Variants in NLGN1 observed in about 807,000 individuals in gnomAD.
NLGN1 encodes the protein neuroligin 1.
A neutral mutation model predicts 65.5 loss-of-function variants in NLGN1; 12 were observed. That is an observed-to-expected ratio of 0.18 (90% CI 0.12 to 0.30). The LOEUF is 0.30. NLGN1 is among the 10% of genes least tolerant of loss of function. The pLI is 1.00. For missense variants in NLGN1, 750 were observed against 1,007.1 expected (o/e 0.74, Z 3.46); for synonymous variants, 350 against 359.5 (o/e 0.97, Z 0.30).
intron 3 of NLGN1, among the ~76,000 whole-genome samples, chr3:173,732,044 T>C (rs1261564304): frequency 6.6e-6 from 1 of 152,084 alleles, no homozygotes; most frequent in Non-Finnish European, 1.5e-5. Flanking sequence ...AATATACCAG[T>C]GGTTAGGATA....
At chr3:174,293,777 ATCT>A in the NLGN1 span, among the ~76,000 whole-genome samples, 1 of 151,684 alleles carries the variant, frequency 6.6e-6, no homozygotes. Flanking sequence ...TAGAAAGAAT[ATCT>A]ATACAATAAA....
chr3:173,704,455 CA>C (rs1273665752), intron 3 of NLGN1, among the ~76,000 whole-genome samples: 1 of 151,990 alleles, frequency 6.6e-6, no homozygotes, highest in Non-Finnish European at 1.5e-5. Flanking sequence ...AGACACTTTT[CA>C]AAAGTGCTCA....
At chr3:174,278,713 T>A (rs1160139095) in intron 5 of NLGN1, 148 bp from the exon 6 acceptor site, 1 of 600,530 alleles carries the variant, frequency 1.7e-6, no homozygotes, top group Non-Finnish European at 2.6e-6. Flanking sequence ...GTTGGCTTTG[T>A]GTACTTCCCT....
intron 4 of NLGN1, among the ~76,000 whole-genome samples, chr3:173,917,859 G>GTGTGTGTGTT (rs1014764767): frequency 3.3e-5 from 5 of 152,038 alleles, no homozygotes; most frequent in African/African-American, 1.2e-4. Context: ...GTGTGTGTGT[G>GTGTGTGTGTT]TGTGTGTGTG....
intron 2 of NLGN1, among the ~76,000 whole-genome samples, chr3:173,593,907 A>G (rs1055059139): frequency 1.2e-4 from 18 of 152,192 alleles, no homozygotes; most frequent in Non-Finnish European, 2.1e-4. Flanking sequence ...TGATAAAACC[A>G]TCAGATCTCA....
intron 4 of NLGN1, among the ~76,000 whole-genome samples, chr3:173,899,665 A>C (rs1234520956): frequency 1.3e-5 from 2 of 152,134 alleles, no homozygotes; most frequent in Non-Finnish European, 2.9e-5. Context: ...TTATTGGAAC[A>C]CAGTTTCACC....
chr3:174,194,814 C>G (rs1180878225), intron 4 of NLGN1, among the ~76,000 whole-genome samples: 1 of 149,106 alleles, frequency 6.7e-6, no homozygotes. Context: ...GAAATGAGAC[C>G]CAGAAAGAAA....
At chr3:174,062,625 A>G (rs1219471298) in intron 4 of NLGN1, among the ~76,000 whole-genome samples, 1 of 152,066 alleles carries the variant, frequency 6.6e-6, no homozygotes, top group African/African-American at 2.4e-5. Context: ...AGAATAGTGT[A>G]TGTCATATAT....
At chr3:173,586,908 T>C (rs888271567) in intron 2 of NLGN1, among the ~76,000 whole-genome samples, 1 of 152,222 alleles carries the variant, frequency 6.6e-6, no homozygotes, top group African/African-American at 2.4e-5. Context: ...ATTTAAAATA[T>C]TTTCAAAGTT....
chr3:173,984,049 A>G (rs1719355006), intron 4 of NLGN1, among the ~76,000 whole-genome samples: 1 of 152,182 alleles, frequency 6.6e-6, no homozygotes, highest in African/African-American at 2.4e-5. Context: ...CGACTAGCAT[A>G]TGTTTCTCAA....
At chr3:173,531,274 T>C (rs1736520187) in intron 2 of NLGN1, among the ~76,000 whole-genome samples, 1 of 152,108 alleles carries the variant, frequency 6.6e-6, no homozygotes, top group Non-Finnish European at 1.5e-5. Context: ...GAGACCTTGA[T>C]TTTTCAAGAA....
At chr3:174,025,039 C>T (rs550823644) in intron 4 of NLGN1, among the ~76,000 whole-genome samples, 1 of 152,272 alleles carries the variant, frequency 6.6e-6, no homozygotes, top group South Asian at 2.1e-4. Flanking sequence ...GTAGTAATAA[C>T]AATAACTGTC....
At chr3:174,081,171 A>C (rs890235169) in intron 4 of NLGN1, among the ~76,000 whole-genome samples, 4 of 152,124 alleles carry the variant, frequency 2.6e-5, no homozygotes, top group Non-Finnish European at 5.9e-5. Context: ...GACAAGAAAA[A>C]GTCTGAATTG....
intron 4 of NLGN1, among the ~76,000 whole-genome samples, chr3:173,946,596 C>T (rs185259336): frequency 3.3e-5 from 5 of 152,246 alleles, no homozygotes; most frequent in Admixed American, 2.0e-4. Context: ...AGTATAGATA[C>T]CTAGCCATGA....
At chr3:173,640,626 C>T (rs1757259737) in intron 3 of NLGN1, among the ~76,000 whole-genome samples, 1 of 152,002 alleles carries the variant, frequency 6.6e-6, no homozygotes, top group African/African-American at 2.4e-5. Context: ...CTAATTGACC[C>T]AAGTAGTGTT....
intron 4 of NLGN1, among the ~76,000 whole-genome samples, chr3:173,874,902 A>T (rs995987520): frequency 6.6e-6 from 1 of 152,184 alleles, no homozygotes; most frequent in Non-Finnish European, 1.5e-5. Context: ...GGTAGAGAAA[A>T]CCTAGCCTGA....
At chr3:173,689,099 A>G (rs1403044096) in intron 3 of NLGN1, among the ~76,000 whole-genome samples, 1 of 152,206 alleles carries the variant, frequency 6.6e-6, no homozygotes, top group African/African-American at 2.4e-5. Context: ...CATAAAAGTC[A>G]GACCTTCCTT....
At chr3:173,827,204 C>G (rs1721510976) in intron 4 of NLGN1, among the ~76,000 whole-genome samples, 1 of 151,948 alleles carries the variant, frequency 6.6e-6, no homozygotes, top group African/African-American at 2.4e-5. Context: ...GCCAGTGGCA[C>G]TGGAGCATAG....
chr3:173,965,241 T>G (rs1714567252), intron 4 of NLGN1, among the ~76,000 whole-genome samples: 1 of 152,098 alleles, frequency 6.6e-6, no homozygotes, highest in Non-Finnish European at 1.5e-5. Flanking sequence ...GAATCCATGT[T>G]TTCCAAACTT....
Sources: allele counts gnomAD v4.1 joint callset (sites outside exome capture counted in the v4.1 genomes callset), GRCh38; gene constraint gnomAD v4.1.1; transcripts MANE v1.5; gene names NCBI Gene and HGNC (gene_info 2026-07-23, HGNC 2026-07-21).